GRID2: variants seen among roughly 807,000 people sequenced by gnomAD.
The protein encoded by GRID2 is glutamate receptor ionotropic, delta-2.
Under a neutral mutation model 114.8 loss-of-function variants are expected in GRID2, and 33 were observed. That is an observed-to-expected ratio of 0.29 (90% CI 0.22 to 0.38). The LOEUF is 0.38. Among genes scored for constraint, GRID2 ranks in the 10% least tolerant of loss-of-function variants. The probability of loss-of-function intolerance (pLI) is 1.00; values close to 1 mark genes in which losing one functional copy is unlikely to be tolerated. For missense variants in GRID2, 1,184 were observed against 1,257.7 expected (o/e 0.94, Z 0.89); for synonymous variants, 505 against 449.9 (o/e 1.12, Z -1.55).
At chr4:93,322,396 A>G (rs962867669) in intron 8 of GRID2, among the ~76,000 whole-genome samples, 16 of 152,260 alleles carry the variant, frequency 1.1e-4, no homozygotes, top group Admixed American at 3.9e-4. Context: ...TTATGGCTGC[A>G]TAGTATTCCA....
chr4:93,479,362 A>G, intron 11 of GRID2, among the ~76,000 whole-genome samples: 1 of 152,140 alleles, frequency 6.6e-6, no homozygotes, highest in Non-Finnish European at 1.5e-5. Context: ...GAAATTCAAT[A>G]AAATGAGGTA....
At chr4:93,512,631 G>C (rs1729306794) in intron 12 of GRID2, among the ~76,000 whole-genome samples, 1 of 152,098 alleles carries the variant, frequency 6.6e-6, no homozygotes, top group African/African-American at 2.4e-5. Context: ...CTACTAGAGG[G>C]AACATGCCTT....
chr4:93,559,937 A>G (rs554290830), intron 13 of GRID2, among the ~76,000 whole-genome samples: 4 of 152,244 alleles, frequency 2.6e-5, no homozygotes, highest in South Asian at 4.1e-4. Flanking sequence ...AGGGACATAG[A>G]TGAAGCTGGA....
intron 2 of GRID2, among the ~76,000 whole-genome samples, chr4:92,664,866 A>G (rs992671896): frequency 4.0e-5 from 6 of 150,836 alleles, no homozygotes; most frequent in Non-Finnish European, 8.9e-5. Flanking sequence ...TTTGGTTACT[A>G]TTTGTATGGA....
At chr4:92,732,930 A>G (rs1736399629) in intron 2 of GRID2, among the ~76,000 whole-genome samples, 1 of 152,152 alleles carries the variant, frequency 6.6e-6, no homozygotes, top group African/African-American at 2.4e-5. Flanking sequence ...TGACTGACAT[A>G]TATCAAGAGC....
rs528713960 is a variant in GRID2, at chr4:92,815,426, A to G, written c.244+225140A>G. 9.8e-5 allele frequency among the ~76,000 whole-genome samples: 15 copies of G among 152,288 alleles called. 1 individual carries two copies. The highest frequency in any genetic ancestry group is 3.6e-4 in the African/African-American group (15 of 41,584). ...ACTTTAAACATCAGAAAGACAAATG[A>G]CAAGTCTTGGTATCAGCTAGTTAAA... is the stretch of plus-strand genomic sequence containing the variant. On this transcript the variant is annotated intron_variant, in intron 2 of 15. Coordinates refer to ENST00000282020, the MANE Select transcript of GRID2 (RefSeq NM_001510.4).
intron 2 of GRID2, among the ~76,000 whole-genome samples, chr4:93,042,305 A>C (rs58362156): frequency 0.065 from 6,795 of 104,336 alleles, 249 homozygotes; most frequent in African/African-American, 0.16. Flanking sequence ...CTCTCTATAT[A>C]TATATATATA....
At chr4:92,572,782 T>G (rs78865515) in intron 1 of GRID2, among the ~76,000 whole-genome samples, 1 of 152,082 alleles carries the variant, frequency 6.6e-6, no homozygotes, top group African/African-American at 2.4e-5. Flanking sequence ...CCTGAAGTTT[T>G]CTTTTTTTCT....
intron 4 of GRID2, among the ~76,000 whole-genome samples, chr4:93,204,820 A>G (rs551282095): frequency 1.3e-5 from 2 of 152,222 alleles, no homozygotes; most frequent in South Asian, 4.1e-4. Flanking sequence ...TATAGTTTAA[A>G]TTTTGCCTTA....
intron 1 of GRID2, among the ~76,000 whole-genome samples, chr4:92,419,640 G>C (rs1020002921): frequency 6.6e-6 from 1 of 152,000 alleles, no homozygotes; most frequent in Non-Finnish European, 1.5e-5. Context: ...TCTTAAAGTT[G>C]AGTAAAAGTT....
chr4:93,330,088 G>T (rs1011070353), intron 8 of GRID2, among the ~76,000 whole-genome samples: 1 of 152,030 alleles, frequency 6.6e-6, no homozygotes, highest in Admixed American at 6.6e-5. Flanking sequence ...ATACCTGGTG[G>T]TTGTGTTAGA....
At chr4:93,665,801 TC>T (rs1462412757) in intron 14 of GRID2, among the ~76,000 whole-genome samples, 1 of 152,156 alleles carries the variant, frequency 6.6e-6, no homozygotes, top group Admixed American at 6.5e-5. Context: ...CATTCTATGT[TC>T]CTGAACAGAA....
chr4:92,583,467 G>A (rs1052887743), intron 1 of GRID2, among the ~76,000 whole-genome samples: 4 of 151,886 alleles, frequency 2.6e-5, no homozygotes, highest in Admixed American at 2.0e-4. Flanking sequence ...AAGATGAACT[G>A]AGAAAAATAT....
chr4:92,877,529 T>C (rs930585413), intron 2 of GRID2, among the ~76,000 whole-genome samples: 1 of 152,198 alleles, frequency 6.6e-6, no homozygotes, highest in Non-Finnish European at 1.5e-5. Flanking sequence ...AATCTTGCCT[T>C]ACTTCACACA....
chr4:92,993,865 T>A (rs1755050448), intron 2 of GRID2, among the ~76,000 whole-genome samples: 1 of 152,252 alleles, frequency 6.6e-6, no homozygotes, highest in Non-Finnish European at 1.5e-5. Flanking sequence ...AATTTAAATA[T>A]GATATAAGTC....
chr4:93,087,068 T>C (rs1730393785), intron 3 of GRID2, among the ~76,000 whole-genome samples: 1 of 150,024 alleles, frequency 6.7e-6, no homozygotes, highest in Non-Finnish European at 1.5e-5. Flanking sequence ...GGAGTCTTCC[T>C]CTGTTGCCCA....
chr4:93,542,041 G>T (rs189619887), intron 13 of GRID2, among the ~76,000 whole-genome samples: 1 of 152,186 alleles, frequency 6.6e-6, no homozygotes, highest in Non-Finnish European at 1.5e-5. Context: ...CCCAACTTGG[G>T]TCACTACCCC....
intron 13 of GRID2, among the ~76,000 whole-genome samples, chr4:93,546,068 C>T (rs1437999532): frequency 6.6e-6 from 1 of 152,100 alleles, no homozygotes; most frequent in African/African-American, 2.4e-5. Context: ...ATGTTTCATT[C>T]AGGATATAAT....
chr4:93,333,410 A>C (rs1758705868), intron 8 of GRID2, among the ~76,000 whole-genome samples: 1 of 152,164 alleles, frequency 6.6e-6, no homozygotes, highest in Non-Finnish European at 1.5e-5. Context: ...ATGTAATGTC[A>C]AAGTTCCATA....
Sources: gnomAD v4.1 joint callset for allele counts (sites outside exome capture counted in the v4.1 genomes callset) on GRCh38, gnomAD v4.1.1 for gene constraint, MANE v1.5 for transcripts, NCBI Gene and HGNC (gene_info 2026-07-23, HGNC 2026-07-21) for gene names.